ZNF804A: variants seen among roughly 807,000 people sequenced by gnomAD.
ZNF804A encodes the protein zinc finger protein 804A.
A neutral mutation model predicts 16.5 loss-of-function variants in ZNF804A; 2 were observed. That is an observed-to-expected ratio of 0.12 (90% CI 0.05 to 0.38). ZNF804A has a LOEUF of 0.38. Ranked by LOEUF, ZNF804A falls within the 10% of genes least tolerant of loss-of-function variation. The pLI is 0.99. For synonymous variants in ZNF804A, 534 were observed against 489.6 expected (o/e 1.09, Z -1.20); for missense variants, 1,473 against 1,390.7 (o/e 1.06, Z -0.94).
intron 1 of ZNF804A, among the ~76,000 whole-genome samples, chr2:184,705,990 C>A (rs900436863): frequency 3.3e-5 from 5 of 152,106 alleles, no homozygotes; most frequent in African/African-American, 9.7e-5. Context: ...TTATTAAAAC[C>A]CTTTGCTGCT....
intron 2 of ZNF804A, among the ~76,000 whole-genome samples, chr2:184,873,587 G>C (rs966749971): frequency 2.6e-5 from 4 of 152,078 alleles, no homozygotes; most frequent in Admixed American, 2.0e-4. Flanking sequence ...AACATAAAAA[G>C]GCAAGCCAGA....
intron 1 of ZNF804A, among the ~76,000 whole-genome samples, chr2:184,609,524 T>A (rs1691204036): frequency 6.6e-6 from 1 of 152,218 alleles, no homozygotes; most frequent in Non-Finnish European, 1.5e-5. Flanking sequence ...ATAGACTGGG[T>A]GGCTTAAACA....
intron 1 of ZNF804A, among the ~76,000 whole-genome samples, chr2:184,840,894 CT>C (rs1695426622): frequency 1.3e-5 from 2 of 152,106 alleles, no homozygotes; most frequent in South Asian, 2.1e-4. Flanking sequence ...TGCTTTACCC[CT>C]GAAACACCAC....
chr2:184,637,447 C>G (rs1691719668), intron 1 of ZNF804A, among the ~76,000 whole-genome samples: 1 of 152,084 alleles, frequency 6.6e-6, no homozygotes, highest in Admixed American at 6.6e-5. Flanking sequence ...ATATTTGCTG[C>G]AAAAGATGTT....
intron 1 of ZNF804A, among the ~76,000 whole-genome samples, chr2:184,849,433 T>G (rs545687569): frequency 1.3e-5 from 2 of 152,074 alleles, no homozygotes; most frequent in South Asian, 4.1e-4. Context: ...GGAAAGAGAC[T>G]GCTAATAATG....
rs1345147089 is a variant in ZNF804A at position 184,937,163 on chromosome 2, G to A, written c.1767G>A (p.Trp589Ter). The change falls in exon 4 of 4, where the codon TGG (tryptophan) becomes TGA (stop). Residue 589 changes from tryptophan (W) to a stop codon, truncating the protein, a stop_gained. Transcript: ENST00000302277. LOFTEE classifies it low-confidence loss of function (END_TRUNC). ...GGTTGAAAGAGACCCATGAATACTGGTTCCATAAAAGTAGAAGAAAGAAAA... is the reference window on the plus strand; with the variant it reads ...GGTTGAAAGAGACCCATGAATACTGATTCCATAAAAGTAGAAGAAAGAAAA... ...KIRLKETHEY[W>*]FHKSRRKKKR... The A allele has an allele frequency of 2.5e-6, 4 of 1,602,644 alleles. No homozygotes were observed. Among genetic ancestry groups the A allele is most frequent in the Admixed American group, 1.8e-5 (1 of 56,710 alleles).
chr2:184,605,167 T>C (rs372574634), intron 1 of ZNF804A, among the ~76,000 whole-genome samples: 38 of 152,258 alleles, frequency 2.5e-4, no homozygotes, highest in African/African-American at 8.2e-4. Context: ...CGTGTCCATT[T>C]AACTGAGATA....
intron 1 of ZNF804A, among the ~76,000 whole-genome samples, chr2:184,703,996 A>G (rs1029891524): frequency 6.6e-6 from 1 of 152,134 alleles, no homozygotes; most frequent in African/African-American, 2.4e-5. Context: ...TATTTCAAAG[A>G]TGCGAAAAGT....
At chr2:184,652,938 T>C (rs1205670959) in intron 1 of ZNF804A, among the ~76,000 whole-genome samples, 12 of 152,152 alleles carry the variant, frequency 7.9e-5, no homozygotes, top group Admixed American at 7.9e-4. Flanking sequence ...TGTCTTCTAC[T>C]ATGATTGTAG....
intron 1 of ZNF804A, among the ~76,000 whole-genome samples, chr2:184,742,388 G>A (rs887186902): frequency 7.9e-5 from 12 of 151,784 alleles, no homozygotes; most frequent in Non-Finnish European, 1.3e-4. Context: ...GTATTCAGAC[G>A]AAAGTACCTG....
At chr2:184,651,976 A>G (rs914576477) in intron 1 of ZNF804A, among the ~76,000 whole-genome samples, 4 of 152,184 alleles carry the variant, frequency 2.6e-5, no homozygotes, top group African/African-American at 7.2e-5. Context: ...TGAAAAAAAG[A>G]CACATGCACT....
chr2:184,799,507 T>G (rs963720918), intron 1 of ZNF804A, among the ~76,000 whole-genome samples: 1 of 152,122 alleles, frequency 6.6e-6, no homozygotes, highest in African/African-American at 2.4e-5. Flanking sequence ...TAAGAAGGCA[T>G]TAGCAAGTAT....
chr2:184,733,514 C>A (rs1413958289), intron 1 of ZNF804A, among the ~76,000 whole-genome samples: 1 of 152,014 alleles, frequency 6.6e-6, no homozygotes, highest in Non-Finnish European at 1.5e-5. Flanking sequence ...ATTTTGGTAT[C>A]AGAAAAATGC....
intron 1 of ZNF804A, among the ~76,000 whole-genome samples, chr2:184,775,075 T>C (rs1434643092): frequency 1.3e-5 from 2 of 151,800 alleles, no homozygotes. Flanking sequence ...ATGATCTGCA[T>C]TTCTTAATAT....
At chr2:184,604,146 CTTTTTTTTTTTTTTTTTTTTTT>C (rs759053144) in intron 1 of ZNF804A, among the ~76,000 whole-genome samples, 2,666 of 44,818 alleles carry the variant, frequency 0.059, 123 homozygotes, top group African/African-American at 0.18. Context: ...ACTGCAATTA[CTTTTTTTTTTTTTTTTTTTTTT>C]TTTTTTTTTT....
At chr2:184,740,415 C>T (rs62176235) in intron 1 of ZNF804A, among the ~76,000 whole-genome samples, 1 of 152,192 alleles carries the variant, frequency 6.6e-6, no homozygotes, top group Admixed American at 6.5e-5. Context: ...TTAGTGAACA[C>T]TATCCAAAGA....
intron 1 of ZNF804A, among the ~76,000 whole-genome samples, chr2:184,761,713 A>T (rs1243804430): frequency 6.6e-6 from 1 of 152,086 alleles, no homozygotes. Context: ...TGTGCAAATA[A>T]ATTTGGGATA....
chr2:184,663,816 C>T (rs578009286), intron 1 of ZNF804A, among the ~76,000 whole-genome samples: 5 of 152,136 alleles, frequency 3.3e-5, no homozygotes, highest in Non-Finnish European at 7.4e-5. Context: ...TTATAGCCCT[C>T]GTATGAAAGA....
intron 1 of ZNF804A, among the ~76,000 whole-genome samples, chr2:184,826,859 G>A (rs893527484): frequency 6.6e-6 from 1 of 151,872 alleles, no homozygotes; most frequent in African/African-American, 2.4e-5. Flanking sequence ...AATGACAAAC[G>A]GCATGACCTA....
Sources: allele counts gnomAD v4.1 joint callset (sites outside exome capture counted in the v4.1 genomes callset), GRCh38; gene constraint gnomAD v4.1.1; transcripts MANE v1.5; gene names NCBI Gene and HGNC (gene_info 2026-07-23, HGNC 2026-07-21).